Variants in ME1 observed in about 807,000 individuals in gnomAD.
ME1 encodes malic enzyme 1, also known as NADP-dependent malic enzyme.
ME1 carries 74 observed loss-of-function variants against 66.4 expected under a neutral mutation model. That is an observed-to-expected ratio of 1.11 (90% CI 0.92 to 1.35). The LOEUF is 1.35. Among genes scored for constraint, ME1 ranks in the 40% most tolerant of loss-of-function variants. The pLI, the probability that ME1 is intolerant of heterozygous loss-of-function variation, is 0.00. For missense variants in ME1, 750 were observed against 694.1 expected (o/e 1.08, Z -0.90); for synonymous variants, 251 against 235.6 (o/e 1.07, Z -0.60).
chr6:83,345,665 T>G (rs1768672083), intron 5 of ME1, among the ~76,000 whole-genome samples: 1 of 152,094 alleles, frequency 6.6e-6, no homozygotes, highest in Admixed American at 6.6e-5. Flanking sequence ...AGTTAGCTAG[T>G]TAATCCTAAA....
intron 1 of ME1, among the ~76,000 whole-genome samples, chr6:83,413,433 T>A (rs1227026699): frequency 6.6e-6 from 1 of 152,140 alleles, no homozygotes; most frequent in East Asian, 1.9e-4. Flanking sequence ...GAATTATATA[T>A]ATTTTATTAA....
chr6:83,350,541 T>C (rs1173559007), intron 4 of ME1, among the ~76,000 whole-genome samples: 1 of 152,052 alleles, frequency 6.6e-6, no homozygotes, highest in Non-Finnish European at 1.5e-5. Context: ...TCATAGTACA[T>C]TGCAGAATTG....
At chr6:83,266,500 T>G (rs1169373857) in intron 6 of ME1, among the ~76,000 whole-genome samples, 3 of 136,270 alleles carry the variant, frequency 2.2e-5, no homozygotes, top group Non-Finnish European at 3.4e-5. Flanking sequence ...TAATTCCAAA[T>G]TAATAGTTTC....
At chr6:83,309,769 G>A (rs1026774432) in intron 6 of ME1, among the ~76,000 whole-genome samples, 1 of 152,066 alleles carries the variant, frequency 6.6e-6, no homozygotes, top group Non-Finnish European at 1.5e-5. Flanking sequence ...AAGCCCCGAA[G>A]CATTCTAATG....
intron 8 of ME1, among the ~76,000 whole-genome samples, chr6:83,238,466 T>C (rs1790453307): frequency 6.6e-6 from 1 of 152,166 alleles, no homozygotes; most frequent in Admixed American, 6.5e-5. Flanking sequence ...TATCAAGAAC[T>C]GGCCTGTGCC....
intron 3 of ME1, among the ~76,000 whole-genome samples, chr6:83,388,090 C>A (rs1311814942): frequency 9.1e-6 from 1 of 110,452 alleles, no homozygotes. Context: ...TTCCTTCCTT[C>A]CTTTTTTTTT....
intron 12 of ME1, among the ~76,000 whole-genome samples, chr6:83,217,517 T>C (rs1790015995): frequency 6.6e-6 from 1 of 152,168 alleles, no homozygotes; most frequent in Non-Finnish European, 1.5e-5. Context: ...AAAGTGTTAT[T>C]GTCCTTGAGA....
chr6:83,267,712 T>C (rs1767012534), intron 6 of ME1, among the ~76,000 whole-genome samples: 1 of 152,216 alleles, frequency 6.6e-6, no homozygotes, highest in African/African-American at 2.4e-5. Flanking sequence ...TGCCTTAGAA[T>C]TCCACTCACT....
intron 7 of ME1, among the ~76,000 whole-genome samples, chr6:83,251,106 T>C (rs1024172621): frequency 2.6e-5 from 4 of 152,192 alleles, no homozygotes; most frequent in African/African-American, 9.6e-5. Context: ...GCTATGTTAA[T>C]GACAAGTTAA....
intron 7 of ME1, among the ~76,000 whole-genome samples, chr6:83,250,283 C>T (rs898084165): frequency 6.7e-6 from 1 of 149,872 alleles, no homozygotes; most frequent in Non-Finnish European, 1.5e-5. Context: ...ATAAATATTT[C>T]TTTAAGGCTA....
chr6:83,421,802 C>T (rs1398393601), intron 1 of ME1, among the ~76,000 whole-genome samples: 1 of 152,124 alleles, frequency 6.6e-6, no homozygotes, highest in Non-Finnish European at 1.5e-5. Flanking sequence ...CCCAGGTAAT[C>T]CCACGGGGAT....
intron 1 of ME1, among the ~76,000 whole-genome samples, chr6:83,418,567 A>T (rs1770204627): frequency 6.6e-6 from 1 of 152,206 alleles, no homozygotes; most frequent in Non-Finnish European, 1.5e-5. Flanking sequence ...CACTGACACT[A>T]CAAGAGTTAC....
chr6:83,243,323 T>C (rs1157061026), intron 7 of ME1, among the ~76,000 whole-genome samples: 2 of 140,686 alleles, frequency 1.4e-5, no homozygotes, highest in Non-Finnish European at 3.0e-5. Context: ...TATGTAATTA[T>C]ATAAAATATA....
chr6:83,297,034 T>A (rs1767610560), intron 6 of ME1, among the ~76,000 whole-genome samples: 1 of 152,146 alleles, frequency 6.6e-6, no homozygotes, highest in Admixed American at 6.5e-5. Flanking sequence ...AGGAATAAAC[T>A]TCTCATTCAA....
intron 5 of ME1, among the ~76,000 whole-genome samples, chr6:83,340,833 T>C (rs1009523489): frequency 2.6e-5 from 4 of 152,192 alleles, no homozygotes; most frequent in Admixed American, 2.6e-4. Context: ...CTTAATCTTA[T>C]CTGAGCTTAA....
At position 83,223,790 on chromosome 6, in the gene ME1, G is replaced by C. The variant is rs145472960; in HGVS notation, c.1419C>G (p.Ile473Met). 9.9e-5 allele frequency: 160 copies of C among 1,613,618 alleles called. No homozygotes were observed. Among genetic ancestry groups the C allele is most frequent in the Middle Eastern group, 1.6e-4 (1 of 6,076 alleles). The change falls in exon 12 of 14, where the codon ATC (isoleucine) becomes ATG (methionine). Residue 473 changes from isoleucine (I) to methionine (M), a missense_variant. Coordinates refer to ENST00000369705, the MANE Select transcript of ME1 (RefSeq NM_002395.6). Reference sequence around the variant, plus strand: ...CAGTAGTGAGGAAAATATTATCTGTGATCTGCCTCAATCCACACGCCACAA... The same window carrying C: ...CAGTAGTGAGGAAAATATTATCTGTCATCTGCCTCAATCCACACGCCACAA... ...LGVVACGLRQ[I>M]TDNIFLTTAE...
chr6:83,327,670 G>T (rs1213247644), intron 5 of ME1, among the ~76,000 whole-genome samples: 1 of 152,038 alleles, frequency 6.6e-6, no homozygotes, highest in Non-Finnish European at 1.5e-5. Flanking sequence ...ATTTCGCCTC[G>T]GTCCTGTGGT....
At chr6:83,327,625 T>C (rs1469057440) in intron 5 of ME1, among the ~76,000 whole-genome samples, 1 of 152,194 alleles carries the variant, frequency 6.6e-6, no homozygotes, top group Non-Finnish European at 1.5e-5. Flanking sequence ...ATGTTATCAA[T>C]GACAATGGTG....
intron 3 of ME1, among the ~76,000 whole-genome samples, chr6:83,383,340 A>G (rs888585644): frequency 1.3e-5 from 2 of 151,924 alleles, no homozygotes; most frequent in East Asian, 3.8e-4. Flanking sequence ...AATGTTACTG[A>G]CTCAATCTCT....
Sources: allele counts gnomAD v4.1 joint callset (sites outside exome capture counted in the v4.1 genomes callset), GRCh38; gene constraint gnomAD v4.1.1; transcripts MANE v1.5; gene names NCBI Gene and HGNC (gene_info 2026-07-23, HGNC 2026-07-21).